The following ZNF878 variants were observed in gnomAD, a reference collection of about 807,000 sequenced individuals.
The protein encoded by ZNF878 is zinc finger protein 878.
ZNF878 carries 10 observed loss-of-function variants against 11.1 expected under a neutral mutation model. That is an observed-to-expected ratio of 0.90 (90% confidence interval 0.56 to 1.53). The LOEUF is 1.53. Ranked by LOEUF, ZNF878 falls within the 40% of genes most tolerant of loss-of-function variation. The pLI, the probability that ZNF878 is intolerant of heterozygous loss-of-function variation, is 0.00. For synonymous variants in ZNF878, 165 were observed against 209.7 expected, an observed-to-expected ratio of 0.79 and a Z score of 1.84; for missense variants, 548 against 626.1, an observed-to-expected ratio of 0.88 and a Z score of 1.33.
rs752233451 is a variant in ZNF878, at chr19:12,046,696, G to A, written c.68C>T (p.Pro23Leu). 3.7e-5 allele frequency: 59 copies of A among 1,613,946 alleles called. No individual in the cohort carries two copies. The highest frequency in any genetic ancestry group is 4.9e-5 in the Non-Finnish European group (58 of 1,180,010). The change falls in exon 2 of 4, where the codon CCT becomes CTT. Residue 23 changes from proline to leucine, a missense_variant. Transcript: ENST00000547628. ...FTQEEWALLD[P>L]SQKNLYREVM... ...TTCCCTGTAGAGATTTTTCTGGGAAGGATCCAGCAAAGCCCACTCCTCCTG... is the reference window on the plus strand; with the variant it reads ...TTCCCTGTAGAGATTTTTCTGGGAAAGATCCAGCAAAGCCCACTCCTCCTG...
In ZNF878 at chr19:12,044,697, G is replaced by C. The variant is rs1975447147; in HGVS notation, c.704C>G (p.Ala235Gly). 1 of 1,613,986 alleles carries C rather than the reference G, an allele frequency of 6.2e-7. No individual in the cohort carries two copies. The highest frequency in any genetic ancestry group is 8.5e-7 in the Non-Finnish European group (1 of 1,179,986). Residue 235 changes from alanine (A) to glycine (G), a missense_variant, in exon 4 of 4, where the codon GCC becomes GGC. Physicochemically the swap from Ala to Gly is moderately conservative, Grantham distance 60. Transcript: ENST00000547628. ...TTTTAACGAACTGGGAGAAAAAAAG[G>C]CTTTCCCACATATGTTACATTTATG... is the stretch of plus-strand genomic sequence containing the variant. ...RPHKCNICGKAFFSPSSLKRH... is the reference protein window; with the variant it reads ...RPHKCNICGKGFFSPSSLKRH...
rs139758584 is a variant in ZNF878 at position 12,046,437 on chromosome 19, C to T, written c.131-9G>A. 224 of 1,572,354 alleles carry T rather than the reference C, an allele frequency of 1.4e-4. 2 individuals are homozygous for T. In the African/African-American group the frequency reaches 2.1e-3, roughly 15 times the overall value. On this transcript the variant is annotated splice_polypyrimidine_tract_variant and intron_variant, in intron 2 of 3. Coordinates refer to ENST00000547628, the MANE Select transcript of ZNF878 (RefSeq NM_001080404.3). The stretch of plus-strand genomic sequence containing the variant: ...GTTGTTCCATTTTTTTCCTAAAATG[C>T]GGACCCAGAAAAATAGTCCTGAATT...
Position 12,046,664 on chromosome 19 carries a change from G to T in ZNF878, c.100C>A (p.Gln34Lys). 1 of 1,614,014 alleles carries T rather than the reference G, an allele frequency of 6.2e-7. No individual in the cohort carries two copies. The highest frequency in any genetic ancestry group is 8.5e-7 in the Non-Finnish European group (1 of 1,179,990). Reference sequence around the variant, plus strand: ...GAGGTCAGGTTCCTCAAGGTTTCCTGCATCACTTCCCTGTAGAGATTTTTC... The same window carrying T: ...GAGGTCAGGTTCCTCAAGGTTTCCTTCATCACTTCCCTGTAGAGATTTTTC... Reference protein sequence around the residue: ...SQKNLYREVMQETLRNLTSIG... With the variant: ...SQKNLYREVMKETLRNLTSIG... The change falls in exon 2 of 4, where the codon CAG becomes AAG. Residue 34 changes from glutamine to lysine, a missense_variant. This residue lies in a region of ZNF878 where 160 missense variants were observed against 173.3 expected (regional missense o/e 0.92). Transcript: ENST00000547628.
chr19:12,046,759 T>C lies in ZNF878; in HGVS notation c.5A>G (p.Asp2Gly), dbSNP rs1975495342. ...AGCCACATCCTCAAAGGCCACCGAA[T>C]CCTGAAATATCCCACATGTGGACAG... M[D>G]SVAFEDVAVN... The change falls in exon 2 of 4, where the codon GAT (aspartate) becomes GGT (glycine). Residue 2 changes from aspartate (D) to glycine (G), a missense_variant and splice_region_variant. By Grantham distance (94) the Asp-to-Gly change is moderately conservative (BLOSUM62 -1). Transcript: ENST00000547628. 1 of 1,613,822 alleles carries C rather than the reference T, an allele frequency of 6.2e-7. No individual in the cohort carries two copies. The highest frequency in any genetic ancestry group is 2.2e-5 in the East Asian group (1 of 44,880).
chr19:12,045,864 C>A (rs112152876), intron 3 of ZNF878, among the ~76,000 whole-genome samples: 14,572 of 151,180 alleles, frequency 0.096, 1,389 homozygotes, highest in African/African-American at 0.25. Context: ...GGACTACAGG[C>A]ACGCACCACC....
At chr19:12,052,577 G>A (rs901875038) in intron 1 of ZNF878, among the ~76,000 whole-genome samples, 1 of 152,208 alleles carries the variant, frequency 6.6e-6, no homozygotes, top group Admixed American at 6.5e-5. Context: ...CGGGGCCGGG[G>A]CCGCAGTCGC....
chr19:12,044,939 A>G lies in ZNF878; in HGVS notation c.462T>C (p.Phe154=), dbSNP rs1338879282. The G allele has an allele frequency of 6.2e-7, 1 of 1,614,124 alleles. No individual in the cohort carries two copies. The highest frequency in any genetic ancestry group is 8.5e-7 in the Non-Finnish European group (1 of 1,179,998). The change falls in exon 4 of 4, where the codon TTT becomes TTC. Residue 154 remains phenylalanine, a synonymous_variant. Coordinates refer to ENST00000547628, the MANE Select transcript of ZNF878 (RefSeq NM_001080404.3). ...TTTCATGTCTACGAACAGAACTGGG[A>G]AACCTGAATGCTTTCCCACATTCCT... ...ECKECGKAFR[F]PSSVRRHERI...
chr19:12,049,953 G>C (rs1384517466), intron 1 of ZNF878, among the ~76,000 whole-genome samples: 3 of 152,008 alleles, frequency 2.0e-5, no homozygotes, highest in Non-Finnish European at 4.4e-5. Flanking sequence ...GGCCGGGTGC[G>C]GTGGCTCATG....
downstream of ZNF878, among the ~76,000 whole-genome samples, chr19:12,043,642 T>C (rs1166475841): frequency 6.6e-6 from 1 of 152,182 alleles, no homozygotes; most frequent in Admixed American, 6.5e-5. Context: ...CGTCTCACCA[T>C]ATTGCCCAAG....
In ZNF878 at chr19:12,044,525, G is replaced by T; in HGVS notation, c.876C>A (p.Phe292Leu). The T allele has an allele frequency of 6.2e-7, 1 of 1,613,544 alleles. No homozygotes were observed. ...GTACTCGCAGGTACTTGACAGATCTGAAGGCTTTCCTACATTGTGTACACT... is the reference window on the plus strand; with the variant it reads ...GTACTCGCAGGTACTTGACAGATCTTAAGGCTTTCCTACATTGTGTACACT... ...PYECTQCRKA[F>L]RSVKYLRVHE... The change falls in exon 4 of 4, where the codon TTC (phenylalanine) becomes TTA (leucine). Residue 292 changes from phenylalanine (F) to leucine (L), a missense_variant. This residue lies in a region of ZNF878 where 335 missense variants were observed against 358.2 expected (regional missense o/e 0.94). Transcript: ENST00000547628.
chr19:12,050,018 A>G (rs1488597377), intron 1 of ZNF878, among the ~76,000 whole-genome samples: 1 of 152,108 alleles, frequency 6.6e-6, no homozygotes, highest in Non-Finnish European at 1.5e-5. Flanking sequence ...TGAGATCAGG[A>G]GTTTGAGACC....
chr19:12,050,811 CCGGCCGCGCG>C (rs1288205165), intron 1 of ZNF878, among the ~76,000 whole-genome samples: 5 of 152,060 alleles, frequency 3.3e-5, no homozygotes, highest in Non-Finnish European at 7.4e-5. Context: ...GAAATGAAAA[CCGGCCGCGCG>C]CGGTGGCTCA....
chr19:12,044,215 C>G lies in ZNF878; in HGVS notation c.1186G>C (p.Glu396Gln), dbSNP rs1975432320. ...ERTHTGEKPY[E>Q]CKQCGKAFRS... The stretch of plus-strand genomic sequence containing the variant: ...AAGGCTTTCCCACATTGCTTACACT[C>G]ATAGGGTTTCTCTCCAGTGTGAGTC... The change falls in exon 4 of 4, where the codon GAG (glutamate) becomes CAG (glutamine). Residue 396 changes from glutamate to glutamine, a missense_variant. Physicochemically the swap from Glu to Gln is conservative, Grantham distance 29. Coordinates refer to ENST00000547628, the MANE Select transcript of ZNF878 (RefSeq NM_001080404.3). 3 of 1,612,866 alleles carry G rather than the reference C, an allele frequency of 1.9e-6. No homozygotes were observed. In the African/African-American group the frequency reaches 4.0e-5, roughly 22 times the overall value.
At position 12,045,054 on chromosome 19, in the gene ZNF878, G is replaced by A. The variant is rs1975457011; in HGVS notation, c.347C>T (p.Ser116Phe). Residue 116 changes from serine (S) to phenylalanine (F), a missense_variant, in exon 4 of 4, where the codon TCC (serine) becomes TTC (phenylalanine). Transcript: ENST00000547628. ...VCGEIGIGLS[S>F]LNRHLRAFSY... ...AAAGGCTCTGAGGTGCCTATTAAGG[G>A]ATGAAAGACCTATGCCGATTTCTCC... is the stretch of plus-strand genomic sequence containing the variant. 6.2e-7 allele frequency: 1 copy of A among 1,613,982 alleles called. No homozygotes were observed.
At chr19:12,049,617 A>G (rs2145527084) in intron 1 of ZNF878, among the ~76,000 whole-genome samples, 1 of 151,334 alleles carries the variant, frequency 6.6e-6, no homozygotes, top group Middle Eastern at 3.4e-3. Flanking sequence ...TAAAAATACA[A>G]AAATTAGCCA....
In ZNF878 at chr19:12,044,665, C is replaced by A. The variant is rs1009137761; in HGVS notation, c.736G>T (p.Glu246Ter). Residue 246 changes from glutamate (E) to a stop codon, truncating the protein, a stop_gained, in exon 4 of 4, where the codon GAG (glutamate) becomes TAG (stop). Coordinates refer to ENST00000547628, the MANE Select transcript of ZNF878 (RefSeq NM_001080404.3). LOFTEE classifies it low-confidence loss of function (END_TRUNC). ...CGTTTCTCTCCAGTGTGACTTTTCTCGTGTCTTTTTAACGAACTGGGAGAA... is the reference window on the plus strand; with the variant it reads ...CGTTTCTCTCCAGTGTGACTTTTCTAGTGTCTTTTTAACGAACTGGGAGAA... ...FFSPSSLKRH[E>*]KSHTGEKRYK... The A allele has an allele frequency of 1.9e-6, 3 of 1,613,880 alleles. No individual in the cohort carries two copies. The highest frequency in any genetic ancestry group is 2.5e-6 in the Non-Finnish European group (3 of 1,180,022).
At position 12,052,929 on chromosome 19, in the gene ZNF878, C is replaced by G. The variant is rs1975565747; in HGVS notation, c.-128G>C. The G allele has an allele frequency of 7.1e-7, 1 of 1,410,192 alleles. No individual in the cohort carries two copies. The highest frequency in any genetic ancestry group is 1.4e-5 in the African/African-American group (1 of 70,488). 87.4% of individuals were successfully genotyped at this position (1,410,192 alleles called of 1,614,324 possible). A position where few individuals can be genotyped will look rare whatever the true frequency, so the allele number is the denominator to read the frequency against. ...GGTCCCTCTCGGAGCAAGAAAGCCC[C>G]AGACCTTAACTAGCGCGAGCAGCCC... On this transcript the variant is annotated 5_prime_UTR_variant, in exon 1 of 4. Coordinates refer to ENST00000547628, the MANE Select transcript of ZNF878 (RefSeq NM_001080404.3).
chr19:12,044,376 T>C lies in ZNF878; in HGVS notation c.1025A>G (p.Lys342Arg). 6.2e-7 allele frequency: 1 copy of C among 1,613,940 alleles called. No individual in the cohort carries two copies. Among genetic ancestry groups the C allele is most frequent in the Non-Finnish European group, 8.5e-7 (1 of 1,179,934 alleles). ...AAAACTGAAGGCTTTCACACATTTT[T>C]TACATTCATAAGGTTTCTCTCCAGT... is the stretch of plus-strand genomic sequence containing the variant. ...THTGEKPYEC[K>R]KCVKAFSFVK... The change falls in exon 4 of 4, where the codon AAA (lysine) becomes AGA (arginine). Residue 342 changes from lysine (K) to arginine (R), a missense_variant. Coordinates refer to ENST00000547628, the MANE Select transcript of ZNF878 (RefSeq NM_001080404.3).
intron 3 of ZNF878, among the ~76,000 whole-genome samples, chr19:12,045,477 C>G (rs1001886312): frequency 6.6e-6 from 1 of 151,978 alleles, no homozygotes; most frequent in Non-Finnish European, 1.5e-5. Context: ...GAAACCCTGT[C>G]TCTACTAAAA....
Sources: gnomAD v4.1 joint callset for allele counts (sites outside exome capture counted in the v4.1 genomes callset) on GRCh38, gnomAD v4.1.1 for gene constraint, gnomAD v4.1.1 regional missense constraint, MANE v1.5 for transcripts, NCBI Gene and HGNC (gene_info 2026-07-23, HGNC 2026-07-21) for gene names.